CMC1: variants seen among roughly 807,000 people sequenced by gnomAD.
CMC1 encodes the protein COX assembly mitochondrial protein homolog.
In CMC1, 14 loss-of-function variants were observed where a neutral mutation model predicts 14.1. The ratio of observed to expected loss-of-function variants is 0.99; its 90% CI spans 0.66 to 1.55. The LOEUF is 1.55. CMC1 is among the 40% of genes most tolerant of loss of function. The pLI is 0.00. For missense variants in CMC1, 127 were observed against 123.8 expected, an observed-to-expected ratio of 1.03 and a Z score of -0.12; for synonymous variants, 50 against 38.4, an observed-to-expected ratio of 1.30 and a Z score of -1.12.
rs183467598 is a variant in CMC1 at position 28,279,975 on chromosome 3, G to A, written c.109+16595G>A. ...CCTGTATGCTAATATTTATAGTAGTGTATCTATCAGTAGCCAAAAATTGAA... is the reference window on the plus strand; with the variant it reads ...CCTGTATGCTAATATTTATAGTAGTATATCTATCAGTAGCCAAAAATTGAA... On this transcript the variant is annotated intron_variant, in intron 2 of 3. Transcript: ENST00000466830. 5.3e-5 allele frequency among the ~76,000 whole-genome samples: 8 copies of A among 152,260 alleles called. No individual in the cohort carries two copies. The East Asian group carries it at 5.8e-4, about 11-fold the overall frequency.
chr3:28,279,241 A>G (rs1700742994), intron 2 of CMC1, among the ~76,000 whole-genome samples: 1 of 152,188 alleles, frequency 6.6e-6, no homozygotes, highest in South Asian at 2.1e-4. Flanking sequence ...AAAACCCCTC[A>G]GTCTTGTTGG....
In CMC1 at chr3:28,279,988, G is replaced by A. The variant is rs188354767; in HGVS notation, c.109+16608G>A. ...ATTTATAGTAGTGTATCTATCAGTA[G>A]CCAAAAATTGAAAATAGCCCAGATT... On this transcript the variant is annotated intron_variant, in intron 2 of 3. Transcript: ENST00000466830. 4.7e-4 allele frequency among the ~76,000 whole-genome samples: 72 copies of A among 152,252 alleles called. No individual in the cohort carries two copies. The East Asian group carries it at 0.013, about 28-fold the overall frequency.
At chr3:28,305,377 G>A (rs764415691) in intron 2 of CMC1, among the ~76,000 whole-genome samples, 5 of 152,068 alleles carry the variant, frequency 3.3e-5, no homozygotes, top group African/African-American at 9.7e-5. Flanking sequence ...GAGTAGTGCC[G>A]CAATAAACAT....
chr3:28,316,565 A>AC, intron 3 of CMC1, 142 bp downstream of exon 3: 1 of 419,584 alleles, frequency 2.4e-6, no homozygotes, highest in South Asian at 9.4e-5. Context: ...AAGTTCCAGT[A>AC]CAGTCTTAAA....
At chr3:28,249,443 A>G (rs1450617244) in intron 1 of CMC1, among the ~76,000 whole-genome samples, 2 of 152,216 alleles carry the variant, frequency 1.3e-5, no homozygotes, top group Non-Finnish European at 2.9e-5. Flanking sequence ...TTTATTGCAT[A>G]TTTACCATAT....
At chr3:28,275,193 G>C (rs1322547185) in intron 2 of CMC1, among the ~76,000 whole-genome samples, 1 of 152,038 alleles carries the variant, frequency 6.6e-6, no homozygotes, top group Non-Finnish European at 1.5e-5. Context: ...TGAGTTTTCT[G>C]TGTTTTTTAG....
intron 2 of CMC1, among the ~76,000 whole-genome samples, chr3:28,306,181 T>C (rs1702296266): frequency 1.3e-5 from 2 of 152,190 alleles, no homozygotes; most frequent in South Asian, 4.1e-4. Flanking sequence ...TCTTTTTTGG[T>C]TGCATATAAA....
At chr3:28,314,506 G>A (rs1702792365) in intron 2 of CMC1, among the ~76,000 whole-genome samples, 1 of 152,206 alleles carries the variant, frequency 6.6e-6, no homozygotes, top group Non-Finnish European at 1.5e-5. Flanking sequence ...GGCTGGGTTG[G>A]GAATGAGAGA....
chr3:28,308,229 TGAAAA>T (rs1292665863), intron 2 of CMC1, among the ~76,000 whole-genome samples: 1 of 151,108 alleles, frequency 6.6e-6, no homozygotes, highest in Non-Finnish European at 1.5e-5. Flanking sequence ...AGGCAGAAAA[TGAAAA>T]GAAAAATTCA....
intron 1 of CMC1, among the ~76,000 whole-genome samples, chr3:28,261,860 C>T (rs1052819668): frequency 2.6e-5 from 4 of 152,068 alleles, no homozygotes; most frequent in African/African-American, 7.2e-5. Flanking sequence ...CATATAGGTT[C>T]GCATCTCCAA....
chr3:28,297,784 C>T (rs1049641087), intron 2 of CMC1, among the ~76,000 whole-genome samples: 16 of 151,930 alleles, frequency 1.1e-4, no homozygotes, highest in African/African-American at 2.7e-4. Context: ...TCCTACAAGA[C>T]GAACAATGAT....
chr3:28,287,584 A>G (rs1033374519), intron 2 of CMC1, among the ~76,000 whole-genome samples: 17 of 152,130 alleles, frequency 1.1e-4, no homozygotes, highest in African/African-American at 4.1e-4. Context: ...ACTAAATTTG[A>G]AAATTCACAT....
chr3:28,274,223 T>TTTTG (rs1700460031), intron 2 of CMC1, among the ~76,000 whole-genome samples: 2 of 143,574 alleles, frequency 1.4e-5, no homozygotes, highest in Admixed American at 7.1e-5. Flanking sequence ...TTTTTTTCTT[T>TTTTG]TTTTTTTTTT....
rs1703268831 is a variant in CMC1 at position 28,323,768 on chromosome 3, G to T, written c.*4139G>T. ...GAGGCAAAATTTTACAATTAATATA[G>T]AAGGCAGAGTTTTTTAAACACCTTA... On this transcript the variant is annotated 3_prime_UTR_variant, in exon 4 of 4. Transcript: ENST00000466830. 2 of 249,612 alleles carry T rather than the reference G, an allele frequency of 8.0e-6. No individual in the cohort carries two copies. Among genetic ancestry groups the T allele is most frequent in the South Asian group, 1.6e-4 (1 of 6,264 alleles). The allele number at this position is 249,612 out of a possible 1,614,324, so 15.5% of individuals were successfully genotyped here.
chr3:28,276,802 T>C (rs1381967743), intron 2 of CMC1, among the ~76,000 whole-genome samples: 1 of 152,260 alleles, frequency 6.6e-6, no homozygotes, highest in Non-Finnish European at 1.5e-5. Flanking sequence ...GGAGGCATTT[T>C]GGTTTCTACA....
chr3:28,246,953 T>A lies in CMC1; in HGVS notation c.19+5141T>A, dbSNP rs187871757. On this transcript the variant is annotated intron_variant, in intron 1 of 3. Transcript: ENST00000466830. Reference sequence around the variant, plus strand: ...TTGCTTTGTTTCATTTTCATTGATTTATGAATTTATTATTGGTATTTTTGG... The same window carrying A: ...TTGCTTTGTTTCATTTTCATTGATTAATGAATTTATTATTGGTATTTTTGG... 2.6e-5 allele frequency among the ~76,000 whole-genome samples: 4 copies of A among 152,284 alleles called. No homozygotes were observed. In the East Asian group the frequency reaches 7.7e-4, roughly 29 times the overall value.
At chr3:28,241,975 T>C in intron 1 of CMC1, 163 bp downstream of exon 1, 1 of 570,206 alleles carries the variant, frequency 1.8e-6, no homozygotes, top group Non-Finnish European at 2.6e-6. Context: ...CGGTCTGAGG[T>C]CATCTTCTCA....
intron 1 of CMC1, among the ~76,000 whole-genome samples, chr3:28,249,589 C>T (rs185980945): frequency 1.1e-4 from 17 of 152,128 alleles, no homozygotes; most frequent in African/African-American, 4.1e-4. Context: ...ATATCAATGC[C>T]TGGCTTTTAC....
intron 2 of CMC1, among the ~76,000 whole-genome samples, chr3:28,278,454 A>G (rs1700706817): frequency 1.3e-5 from 2 of 152,200 alleles, no homozygotes; most frequent in Non-Finnish European, 2.9e-5. Context: ...TGGTGGTTCT[A>G]ATGTTTTTGT....
Sources: allele counts gnomAD v4.1 joint callset (sites outside exome capture counted in the v4.1 genomes callset), GRCh38; gene constraint gnomAD v4.1.1; transcripts MANE v1.5; gene names NCBI Gene and HGNC (gene_info 2026-07-23, HGNC 2026-07-21).